PRKCE: variants seen among roughly 807,000 people sequenced by gnomAD.
PRKCE encodes protein kinase C epsilon.
A neutral mutation model predicts 85.4 loss-of-function variants in PRKCE; 16 were observed. The observed-to-expected ratio is 0.19, with a 90% confidence interval of 0.13 to 0.28. The LOEUF is 0.28. PRKCE is among the 10% of genes least tolerant of loss of function. The pLI is 1.00. For synonymous variants in PRKCE, 388 were observed against 371.5 expected, an observed-to-expected ratio of 1.04 and a Z score of -0.51; for missense variants, 573 against 975.2, an observed-to-expected ratio of 0.59 and a Z score of 5.49.
chr2:45,991,412 G>A (rs1394344604), intron 6 of PRKCE, among the ~76,000 whole-genome samples: 1 of 152,148 alleles, frequency 6.6e-6, no homozygotes, highest in Non-Finnish European at 1.5e-5. Flanking sequence ...CTAGAACAGT[G>A]CCTGCACACT....
chr2:45,653,949 C>T (rs1354571167), intron 1 of PRKCE, among the ~76,000 whole-genome samples: 1 of 152,234 alleles, frequency 6.6e-6, no homozygotes, highest in African/African-American at 2.4e-5. Context: ...CTTTTCCATG[C>T]ATGGCCTTTG....
chr2:45,803,255 A>G (rs556270829), intron 1 of PRKCE, among the ~76,000 whole-genome samples: 1 of 152,338 alleles, frequency 6.6e-6, no homozygotes, highest in South Asian at 2.1e-4. Flanking sequence ...ATTGTACAGG[A>G]TGATCTGGTC....
intron 2 of PRKCE, among the ~76,000 whole-genome samples, chr2:45,943,617 T>G (rs1036942157): frequency 1.3e-5 from 2 of 152,220 alleles, no homozygotes. Flanking sequence ...TTTTCTGTCT[T>G]AAATGTTTTC....
chr2:45,918,307 G>A (rs555312072), intron 2 of PRKCE, among the ~76,000 whole-genome samples: 8 of 152,234 alleles, frequency 5.3e-5, no homozygotes, highest in African/African-American at 7.2e-5. Flanking sequence ...CCCCAGCAAG[G>A]GTGGGGACTG....
intron 2 of PRKCE, among the ~76,000 whole-genome samples, chr2:45,890,036 A>G (rs1414551680): frequency 6.6e-6 from 1 of 152,188 alleles, no homozygotes; most frequent in Non-Finnish European, 1.5e-5. Context: ...TTTCTAATAC[A>G]TGGAGCTCAG....
intron 1 of PRKCE, among the ~76,000 whole-genome samples, chr2:45,739,530 C>T (rs549537423): frequency 3.3e-5 from 5 of 152,274 alleles, no homozygotes; most frequent in African/African-American, 1.2e-4. Context: ...ATTCTGTTTC[C>T]TCCCTTCCTT....
chr2:46,047,148 C>T (rs1474220846), intron 10 of PRKCE, among the ~76,000 whole-genome samples: 2 of 152,176 alleles, frequency 1.3e-5, no homozygotes, highest in Non-Finnish European at 2.9e-5. Context: ...ATTTTTATCC[C>T]TACTTAGAGA....
chr2:46,040,772 A>G (rs1316825854), intron 10 of PRKCE, among the ~76,000 whole-genome samples: 3 of 152,262 alleles, frequency 2.0e-5, no homozygotes, highest in Admixed American at 2.0e-4. Context: ...AGGACTAGTA[A>G]CAATCTGAGC....
At chr2:45,728,052 A>G (rs1681234988) in intron 1 of PRKCE, among the ~76,000 whole-genome samples, 1 of 152,164 alleles carries the variant, frequency 6.6e-6, no homozygotes, top group Non-Finnish European at 1.5e-5. Flanking sequence ...TTGAGTAAAC[A>G]CCATGCCTCG....
At chr2:45,674,906 G>A (rs536340072) in intron 1 of PRKCE, 1 of 152,312 alleles carries the variant, frequency 6.6e-6, no homozygotes, top group South Asian at 2.1e-4. Flanking sequence ...TGAACTGTTT[G>A]TCTGGGAAAT....
At chr2:45,756,311 C>G (rs1363373755) in intron 1 of PRKCE, among the ~76,000 whole-genome samples, 2 of 152,182 alleles carry the variant, frequency 1.3e-5, no homozygotes, top group Non-Finnish European at 2.9e-5. Flanking sequence ...GTATCCTGCT[C>G]CCAGGCTCTA....
intron 1 of PRKCE, among the ~76,000 whole-genome samples, chr2:45,667,438 A>G (rs534587914): frequency 7.9e-5 from 12 of 152,316 alleles, no homozygotes; most frequent in African/African-American, 2.4e-4. Flanking sequence ...GTGAGCCACC[A>G]TGCCCAGCCT....
chr2:45,776,756 G>T (rs2104961801), intron 1 of PRKCE, among the ~76,000 whole-genome samples: 1 of 152,222 alleles, frequency 6.6e-6, no homozygotes, highest in South Asian at 2.1e-4. Flanking sequence ...TGGTTTCAGG[G>T]CCTTGGAGAA....
intron 1 of PRKCE, among the ~76,000 whole-genome samples, chr2:45,792,252 C>A (rs1379384010): frequency 2.0e-5 from 3 of 152,088 alleles, no homozygotes; most frequent in African/African-American, 7.2e-5. Context: ...ATCCAGTCTC[C>A]CCAGAGCAAG....
At chr2:45,924,387 A>G (rs1268734645) in intron 2 of PRKCE, among the ~76,000 whole-genome samples, 2 of 152,188 alleles carry the variant, frequency 1.3e-5, no homozygotes, top group Non-Finnish European at 2.9e-5. Context: ...AAAATGAAGG[A>G]TGGAGGCAGA....
intron 10 of PRKCE, among the ~76,000 whole-genome samples, chr2:46,035,007 A>T (rs1459739474): frequency 6.6e-6 from 1 of 152,222 alleles, no homozygotes; most frequent in Admixed American, 6.5e-5. Flanking sequence ...GATTAGACCC[A>T]AAGAGTCCCT....
At chr2:46,020,227 C>T (rs566651710) in intron 10 of PRKCE, among the ~76,000 whole-genome samples, 2 of 152,166 alleles carry the variant, frequency 1.3e-5, no homozygotes, top group South Asian at 4.2e-4. Context: ...GCTGGGTACA[C>T]AGACCCAGTA....
chr2:46,116,618 G>A (rs1011230372), intron 11 of PRKCE, among the ~76,000 whole-genome samples: 1 of 152,100 alleles, frequency 6.6e-6, no homozygotes, highest in African/African-American at 2.4e-5. Context: ...TTTGGTCTGT[G>A]TAGCCTTCAT....
chr2:46,171,982 G>A (rs1678948861), intron 14 of PRKCE, among the ~76,000 whole-genome samples: 1 of 152,226 alleles, frequency 6.6e-6, no homozygotes, highest in African/African-American at 2.4e-5. Context: ...ATTCCCCCAG[G>A]AAGAGGCATT....
Sources: allele counts gnomAD v4.1 joint callset (sites outside exome capture counted in the v4.1 genomes callset), GRCh38; gene constraint gnomAD v4.1.1; transcripts MANE v1.5; gene names NCBI Gene and HGNC (gene_info 2026-07-23, HGNC 2026-07-21).